ADK: variants seen among roughly 807,000 people sequenced by gnomAD.
The protein encoded by ADK is N6,N6-dimethyladenosine kinase.
In ADK, 24 loss-of-function variants were observed where a neutral mutation model predicts 44.7. The ratio of observed to expected loss-of-function variants is 0.54; its 90% confidence interval spans 0.39 to 0.76. The LOEUF (loss-of-function observed/expected upper bound fraction) is 0.76, where lower values mean the gene tolerates loss of function less well. Ranked by LOEUF, ADK falls within the 30% of genes least tolerant of loss-of-function variation. ADK has a pLI of 0.00. For synonymous variants in ADK, 128 were observed against 142.6 expected (o/e 0.90, Z 0.73); for missense variants, 321 against 425.1 (o/e 0.76, Z 2.15).
chr10:74,440,172 C>A (rs916001003), intron 6 of ADK, among the ~76,000 whole-genome samples: 54 of 152,072 alleles, frequency 3.6e-4, no homozygotes, highest in African/African-American at 1.2e-3. Flanking sequence ...AAAATTGATT[C>A]CATATTGGAC....
At chr10:74,473,289 T>C (rs772905995) in intron 6 of ADK, among the ~76,000 whole-genome samples, 7 of 152,184 alleles carry the variant, frequency 4.6e-5, no homozygotes, top group Non-Finnish European at 7.3e-5. Flanking sequence ...TATAGAAATG[T>C]TCTAAGATAG....
intron 7 of ADK, among the ~76,000 whole-genome samples, chr10:74,555,716 A>G (rs1850223265): frequency 2.0e-5 from 3 of 152,210 alleles, no homozygotes; most frequent in Non-Finnish European, 4.4e-5. Flanking sequence ...AGACTGATCT[A>G]AAAGTAATCA....
At chr10:74,601,700 T>G (rs1050046671) in intron 9 of ADK, among the ~76,000 whole-genome samples, 2 of 150,678 alleles carry the variant, frequency 1.3e-5, no homozygotes, top group Non-Finnish European at 3.0e-5. Context: ...AAAGAAAAGT[T>G]TTTTTTTTTA....
At chr10:74,673,868 C>T (rs999830155) in intron 10 of ADK, among the ~76,000 whole-genome samples, 8 of 152,108 alleles carry the variant, frequency 5.3e-5, no homozygotes, top group South Asian at 2.1e-4. Context: ...CCCTGGAGTC[C>T]GGTCATCCCC....
intron 7 of ADK, among the ~76,000 whole-genome samples, chr10:74,550,944 C>A (rs555953022): frequency 6.6e-6 from 1 of 152,242 alleles, no homozygotes; most frequent in East Asian, 1.9e-4. Context: ...TTCAAGCAAT[C>A]CTCCTGCTTC....
intron 4 of ADK, among the ~76,000 whole-genome samples, chr10:74,377,267 G>A (rs914823359): frequency 4.6e-5 from 7 of 152,092 alleles, no homozygotes; most frequent in African/African-American, 1.7e-4. Context: ...TTCTGAGAAG[G>A]GTTACAACCT....
At chr10:74,616,412 T>C (rs1243828935) in intron 9 of ADK, among the ~76,000 whole-genome samples, 4 of 152,192 alleles carry the variant, frequency 2.6e-5, no homozygotes, top group African/African-American at 4.8e-5. Flanking sequence ...AGGTGTAGGA[T>C]AGGGAGAATG....
intron 4 of ADK, among the ~76,000 whole-genome samples, chr10:74,384,913 C>T (rs11001026): frequency 2.0e-4 from 30 of 151,970 alleles, no homozygotes; most frequent in Non-Finnish European, 3.7e-4. Context: ...ACTTGGGTAA[C>T]GATTGAAGGA....
chr10:74,390,550 C>A (rs1843296597), intron 4 of ADK, among the ~76,000 whole-genome samples: 1 of 152,088 alleles, frequency 6.6e-6, no homozygotes, highest in Non-Finnish European at 1.5e-5. Context: ...TTCCTCAGAA[C>A]CATTCTGAAG....
chr10:74,552,760 T>C (rs948410343), intron 7 of ADK, among the ~76,000 whole-genome samples: 3 of 152,038 alleles, frequency 2.0e-5, no homozygotes, highest in Non-Finnish European at 4.4e-5. Flanking sequence ...TTTTTAAAAA[T>C]TGGGCAAAAG....
At chr10:74,469,591 T>G (rs1846484735) in intron 6 of ADK, among the ~76,000 whole-genome samples, 1 of 152,146 alleles carries the variant, frequency 6.6e-6, no homozygotes. Flanking sequence ...CTCAAACTCC[T>G]GGCCTCAAGT....
chr10:74,490,012 T>C (rs1486952100), intron 6 of ADK, among the ~76,000 whole-genome samples: 2 of 96,512 alleles, frequency 2.1e-5, no homozygotes, highest in African/African-American at 6.7e-5. Context: ...TCTTTAATAG[T>C]GTTTGAGCCC....
intron 7 of ADK, among the ~76,000 whole-genome samples, chr10:74,532,084 G>T (rs1849308668): frequency 6.6e-6 from 1 of 152,150 alleles, no homozygotes; most frequent in Non-Finnish European, 1.5e-5. Context: ...ATGACTAGGA[G>T]TGTAGAATTG....
intron 9 of ADK, 110 bp from the exon 10 acceptor site, chr10:74,670,073 T>A (rs1855113230): frequency 1.2e-6 from 1 of 859,724 alleles, no homozygotes; most frequent in African/African-American, 1.7e-5. Context: ...GCTTATGTCC[T>A]GTCTCTCTTT....
intron 3 of ADK, among the ~76,000 whole-genome samples, chr10:74,275,150 C>T (rs946858585): frequency 1.3e-5 from 2 of 152,032 alleles, no homozygotes; most frequent in Admixed American, 1.3e-4. Flanking sequence ...TCTTTCTGGG[C>T]AGTAATGATC....
chr10:74,157,405 TA>T (rs893301697), intron 1 of ADK, among the ~76,000 whole-genome samples: 32 of 150,908 alleles, frequency 2.1e-4, no homozygotes, highest in African/African-American at 7.1e-4. Flanking sequence ...ATAATGGTCA[TA>T]AAAAAACATG....
chr10:74,564,863 C>G (rs1245673934), intron 7 of ADK, among the ~76,000 whole-genome samples: 1 of 152,124 alleles, frequency 6.6e-6, no homozygotes, highest in Non-Finnish European at 1.5e-5. Flanking sequence ...CTGCCCCACC[C>G]CACCCTAATC....
chr10:74,643,969 C>T (rs1304958707), intron 9 of ADK, among the ~76,000 whole-genome samples: 1 of 152,192 alleles, frequency 6.6e-6, no homozygotes, highest in Non-Finnish European at 1.5e-5. Flanking sequence ...GCATCAAACA[C>T]CAGACTCACT....
At chr10:74,198,605 A>G (rs963430534) in intron 1 of ADK, among the ~76,000 whole-genome samples, 2 of 152,360 alleles carry the variant, frequency 1.3e-5, no homozygotes, top group African/African-American at 4.8e-5. Flanking sequence ...CTGGAGACCA[A>G]TAAAAAATTA....
Sources: gnomAD v4.1 joint callset for allele counts (sites outside exome capture counted in the v4.1 genomes callset) on GRCh38, gnomAD v4.1.1 for gene constraint, MANE v1.5 for transcripts, NCBI Gene and HGNC (gene_info 2026-07-23, HGNC 2026-07-21) for gene names.